The following ARMH3 variants were observed in gnomAD, a reference collection of about 807,000 sequenced individuals.
ARMH3 encodes the protein armadillo like helical domain containing 3.
A neutral mutation model predicts 99.1 loss-of-function variants in ARMH3; 60 were observed. The ratio of observed to expected loss-of-function variants is 0.61; its 90% CI spans 0.49 to 0.75. ARMH3 has a LOEUF of 0.75. Among genes scored for constraint, ARMH3 ranks in the 30% least tolerant of loss-of-function variants. The pLI is 0.00. For synonymous variants in ARMH3, 285 were observed against 292.8 expected, an observed-to-expected ratio of 0.97 and a Z score of 0.27; for missense variants, 679 against 843.1, an observed-to-expected ratio of 0.81 and a Z score of 2.41.
At chr10:102,045,244 T>C (rs1347503690) in intron 1 of ARMH3, among the ~76,000 whole-genome samples, 2 of 152,094 alleles carry the variant, frequency 1.3e-5, no homozygotes, top group Admixed American at 6.6e-5. Context: ...TGAGTACCTT[T>C]TGGGCACAAG....
intron 1 of ARMH3, among the ~76,000 whole-genome samples, chr10:102,045,410 A>C (rs1291771879): frequency 6.6e-6 from 1 of 152,174 alleles, no homozygotes; most frequent in African/African-American, 2.4e-5. Context: ...CAACTGAGAG[A>C]TTAAAGTAGG....
At chr10:101,890,417 T>C (rs1418399440) in intron 23 of ARMH3, among the ~76,000 whole-genome samples, 1 of 151,904 alleles carries the variant, frequency 6.6e-6, no homozygotes, top group Non-Finnish European at 1.5e-5. Flanking sequence ...CTAATTATTT[T>C]TGTATTTTGT....
intron 22 of ARMH3, among the ~76,000 whole-genome samples, chr10:101,946,297 G>A (rs1340703568): frequency 2.0e-5 from 3 of 152,036 alleles, no homozygotes; most frequent in Non-Finnish European, 4.4e-5. Flanking sequence ...GAAATGAATG[G>A]AAAGATACAA....
At chr10:102,014,233 C>A (rs2066694435) in intron 8 of ARMH3, among the ~76,000 whole-genome samples, 1 of 152,198 alleles carries the variant, frequency 6.6e-6, no homozygotes, top group Non-Finnish European at 1.5e-5. Flanking sequence ...AGTGTACACA[C>A]AAATACACAT....
chr10:101,966,295 T>G (rs10786656), intron 20 of ARMH3, among the ~76,000 whole-genome samples: 6,750 of 60,762 alleles, frequency 0.11, 321 homozygotes, highest in East Asian at 0.38. Flanking sequence ...GTTTTTTTTT[T>G]TTTTTTTTTT....
chr10:102,013,373 A>G (rs1380361622), intron 9 of ARMH3, among the ~76,000 whole-genome samples: 5 of 152,250 alleles, frequency 3.3e-5, no homozygotes, highest in Non-Finnish European at 5.9e-5. Flanking sequence ...CCTGTGATGC[A>G]TAACACAAAG....
At chr10:101,945,879 T>C (rs1415285392) in intron 22 of ARMH3, among the ~76,000 whole-genome samples, 1 of 151,604 alleles carries the variant, frequency 6.6e-6, no homozygotes, top group East Asian at 1.9e-4. Flanking sequence ...GGTCAGGAAT[T>C]CGAGACCAAC....
At chr10:101,855,782 T>C (rs1306819312) in intron 24 of ARMH3, among the ~76,000 whole-genome samples, 1 of 147,664 alleles carries the variant, frequency 6.8e-6, no homozygotes, top group East Asian at 1.9e-4. Context: ...ATATTATATA[T>C]ATATAAAGAA....
Position 102,013,961 on chromosome 10 carries a change from T to C in ARMH3, c.726+7A>G. The C allele has an allele frequency of 6.3e-7, 1 of 1,595,330 alleles. No homozygotes were observed. The highest frequency in any genetic ancestry group is 8.6e-7 in the Non-Finnish European group (1 of 1,167,140). On this transcript the variant is annotated splice_region_variant and intron_variant, in intron 9 of 25. Transcript: ENST00000370033. Reference sequence around the variant, plus strand: ...GTAAGACAATACACAAGGATCCAGATACTCACATTGAGTGTGGCCTCATCA... The same window carrying C: ...GTAAGACAATACACAAGGATCCAGACACTCACATTGAGTGTGGCCTCATCA...
intron 15 of ARMH3, 34 bp downstream of exon 15, chr10:102,001,937 G>T (rs778176289): frequency 6.9e-6 from 11 of 1,591,236 alleles, no homozygotes; most frequent in Non-Finnish European, 9.5e-6. Context: ...CCACACCTTT[G>T]ACTTCCTGAG....
At chr10:102,036,400 C>T (rs931774810) in intron 2 of ARMH3, among the ~76,000 whole-genome samples, 4 of 152,160 alleles carry the variant, frequency 2.6e-5, no homozygotes, top group Admixed American at 2.6e-4. Flanking sequence ...TAAGAACGGG[C>T]CATGATGACG....
chr10:101,956,258 A>G (rs1845031950), intron 22 of ARMH3, among the ~76,000 whole-genome samples: 2 of 152,142 alleles, frequency 1.3e-5, no homozygotes, highest in Non-Finnish European at 2.9e-5. Flanking sequence ...ATGTTCTGGG[A>G]TCCAAGTTCT....
chr10:102,052,122 A>C (rs561867043), intron 1 of ARMH3, among the ~76,000 whole-genome samples: 2 of 152,086 alleles, frequency 1.3e-5, no homozygotes, highest in East Asian at 3.9e-4. Flanking sequence ...TGTCACTCAT[A>C]TCTTCTCATT....
At chr10:102,013,038 A>C (rs767242397) in intron 9 of ARMH3, among the ~76,000 whole-genome samples, 162 bp from the exon 10 acceptor site, 31 of 152,228 alleles carry the variant, frequency 2.0e-4, no homozygotes, top group Non-Finnish European at 4.1e-4. Context: ...AAAGCATCAA[A>C]AGGAAGTTCT....
chr10:102,044,504 A>T (rs2067498552), intron 1 of ARMH3, among the ~76,000 whole-genome samples: 1 of 150,378 alleles, frequency 6.6e-6, no homozygotes, highest in Non-Finnish European at 1.5e-5. Flanking sequence ...CCAAGTAGCT[A>T]GAACTATAGG....
At chr10:101,969,151 C>T (rs1845663730) in intron 20 of ARMH3, among the ~76,000 whole-genome samples, 1 of 152,130 alleles carries the variant, frequency 6.6e-6, no homozygotes, top group Admixed American at 6.6e-5. Context: ...TATGTTCTTT[C>T]CCGCCTGGAT....
intron 1 of ARMH3, among the ~76,000 whole-genome samples, chr10:102,044,091 CTTTTTTT>C (rs778226635): frequency 4.8e-5 from 5 of 104,174 alleles, no homozygotes; most frequent in African/African-American, 1.1e-4. Flanking sequence ...TAATTTTTTT[CTTTTTTT>C]TTTTTTTTTT....
chr10:101,996,512 C>A (rs1847062464), intron 15 of ARMH3, among the ~76,000 whole-genome samples: 1 of 152,122 alleles, frequency 6.6e-6, no homozygotes, highest in Non-Finnish European at 1.5e-5. Flanking sequence ...ATCAAAGCCC[C>A]GATATAGCCA....
At chr10:102,055,168 A>C (rs1590252062) in intron 1 of ARMH3, among the ~76,000 whole-genome samples, 1 of 151,974 alleles carries the variant, frequency 6.6e-6, no homozygotes, top group East Asian at 1.9e-4. Context: ...TCAAAAATAT[A>C]AAATTAGCTG....
Sources: allele counts gnomAD v4.1 joint callset (sites outside exome capture counted in the v4.1 genomes callset), GRCh38; gene constraint gnomAD v4.1.1; transcripts MANE v1.5; gene names NCBI Gene and HGNC (gene_info 2026-07-23, HGNC 2026-07-21).